CNIH3: variants seen among roughly 807,000 people sequenced by gnomAD.
CNIH3 encodes the protein cornichon family AMPA receptor auxiliary protein 3.
CNIH3 carries 14 observed loss-of-function variants against 24.1 expected under a neutral mutation model. The observed-to-expected ratio is 0.58, with a 90% CI of 0.38 to 0.91. The LOEUF is 0.91. Ranked by LOEUF, CNIH3 falls within the 40% of genes least tolerant of loss-of-function variation. The probability of loss-of-function intolerance (pLI) is 0.00; values close to 1 mark genes in which losing one functional copy is unlikely to be tolerated. For missense variants in CNIH3, 178 were observed against 196.8 expected (o/e 0.90, Z 0.57); for synonymous variants, 68 against 73.8 (o/e 0.92, Z 0.40).
intron 1 of CNIH3, among the ~76,000 whole-genome samples, chr1:224,491,827 C>T (rs1390843724): frequency 2.6e-5 from 4 of 152,118 alleles, no homozygotes; most frequent in East Asian, 1.9e-4. Context: ...AGACTGGTCT[C>T]GAACTCCTGA....
intron 1 of CNIH3, among the ~76,000 whole-genome samples, chr1:224,622,072 A>G (rs1420101892): frequency 6.6e-6 from 1 of 152,216 alleles, no homozygotes; most frequent in Non-Finnish European, 1.5e-5. Flanking sequence ...CCTCACAGCC[A>G]TGCTGAACTG....
chr1:224,704,403 G>A lies in CNIH3; in HGVS notation c.198+19560G>A, dbSNP rs78248101. On this transcript the variant is annotated intron_variant, in intron 3 of 5. Coordinates refer to ENST00000272133, the MANE Select transcript of CNIH3 (RefSeq NM_152495.2). This position sits in a 1 kb window ranked among gnomAD's most constrained non-coding sequence, Gnocchi z 4.2. ...ATTATGCACATTCGAATCCCCTGGG[G>A]AGCTTTTAAAACCCAGGGATCCAGA... Among the ~76,000 whole-genome samples the A allele has an allele frequency of 5.1e-3, 784 of 152,240 alleles. 11 individuals carry two copies. The highest frequency in any genetic ancestry group is 0.035 in the East Asian group (181 of 5,192).
In CNIH3 at chr1:224,469,922, A is replaced by T. The variant is rs562458798; in HGVS notation, n.203+35060A>T. Among the ~76,000 whole-genome samples, 3 of 152,348 alleles carry T rather than the reference A, an allele frequency of 2.0e-5. No homozygotes were observed. In the South Asian group the frequency reaches 6.2e-4, roughly 32 times the overall value. On this transcript the variant is annotated intron_variant and non_coding_transcript_variant, in intron 1 of 5. Transcript: ENST00000471578. ...ATGAATTCTGCCAGATTTAAAAAAAATCTGAAAACATCTTTATTTTCATTT... is the reference window on the plus strand; with the variant it reads ...ATGAATTCTGCCAGATTTAAAAAAATTCTGAAAACATCTTTATTTTCATTT...
At chr1:224,477,243 T>C (rs1259749903) in intron 1 of CNIH3, among the ~76,000 whole-genome samples, 1 of 152,234 alleles carries the variant, frequency 6.6e-6, no homozygotes, top group South Asian at 2.1e-4. Flanking sequence ...GTTCCTATGG[T>C]AGTTCTTGGA....
intron 3 of CNIH3, among the ~76,000 whole-genome samples, chr1:224,692,336 G>A (rs1337682149): frequency 3.3e-5 from 5 of 152,148 alleles, no homozygotes; most frequent in African/African-American, 1.2e-4. Context: ...AGAAGATGGT[G>A]CCTTTTTTCT....
intron 3 of CNIH3, among the ~76,000 whole-genome samples, chr1:224,728,852 T>G (rs984835865): frequency 1.3e-5 from 2 of 152,232 alleles, no homozygotes; most frequent in Admixed American, 6.5e-5. Context: ...ACCACGTATT[T>G]GTTAAGTCTC....
downstream of CNIH3, among the ~76,000 whole-genome samples, chr1:224,589,087 C>A (rs902393919): frequency 1.3e-5 from 2 of 150,798 alleles, no homozygotes; most frequent in Admixed American, 6.6e-5. Context: ...TAAGCGAGCA[C>A]CGTTATTGCT....
rs1161744505 is a variant in CNIH3 at position 224,739,510 on chromosome 1, A to G, written c.*154A>G. 28 of 1,400,098 alleles carry G rather than the reference A, an allele frequency of 2.0e-5. 1 individual carries two copies. The highest frequency in any genetic ancestry group is 4.2e-4 in the Middle Eastern group (2 of 4,774). 86.7% of individuals were successfully genotyped at this position (1,400,098 alleles called of 1,614,324 possible). ...GACTGAATGGGAGCTGGAATCACGC[A>G]GCAGCTGGGAGCCGAGTTAACCCTG... On this transcript the variant is annotated 3_prime_UTR_variant, in exon 6 of 6. Transcript: ENST00000272133.
intron 1 of CNIH3, among the ~76,000 whole-genome samples, chr1:224,637,209 T>C (rs1684129776): frequency 6.6e-6 from 1 of 152,134 alleles, no homozygotes; most frequent in South Asian, 2.1e-4. Flanking sequence ...CACCTCAGCC[T>C]CCCAAAGTGC....
chr1:224,539,154 T>A (rs907497566), downstream of CNIH3, among the ~76,000 whole-genome samples: 8 of 152,186 alleles, frequency 5.3e-5, no homozygotes, highest in Non-Finnish European at 7.3e-5. Flanking sequence ...TTAGCACACT[T>A]AATTTAACAT....
intron 1 of CNIH3, among the ~76,000 whole-genome samples, chr1:224,635,888 C>T (rs1166901751): frequency 1.3e-5 from 2 of 151,484 alleles, no homozygotes; most frequent in African/African-American, 4.9e-5. Flanking sequence ...ATTTTTTTTT[C>T]TTTCTAGAAA....
In CNIH3 at chr1:224,562,975, G is replaced by C. The variant is rs148151144; in HGVS notation, n.451-3224G>C. Reference sequence around the variant, plus strand: ...CTGAAGAGTGTGTAAAATGATTCCAGCACTTTGGGAAACTGTTTGCAAAAT... The same window carrying C: ...CTGAAGAGTGTGTAAAATGATTCCACCACTTTGGGAAACTGTTTGCAAAAT... On this transcript the variant is annotated intron_variant and non_coding_transcript_variant, in intron 3 of 5. Coordinates refer to the CNIH3 transcript ENST00000471578. 3.3e-5 allele frequency among the ~76,000 whole-genome samples: 5 copies of C among 152,312 alleles called. No individual in the cohort carries two copies. In the East Asian group the frequency reaches 7.7e-4, roughly 23 times the overall value.
intron 1 of CNIH3, among the ~76,000 whole-genome samples, chr1:224,639,221 G>A (rs1684237742): frequency 6.6e-6 from 1 of 152,238 alleles, no homozygotes; most frequent in African/African-American, 2.4e-5. Flanking sequence ...ACACTGCCTA[G>A]CATTCTCTTC....
At chr1:224,606,734 C>T (rs1320436381) in intron 3 of CNIH3, among the ~76,000 whole-genome samples, 1 of 152,110 alleles carries the variant, frequency 6.6e-6, no homozygotes, top group Non-Finnish European at 1.5e-5. Flanking sequence ...TCCATATTGC[C>T]ATGGTCTTGG....
rs577132038 is a variant in CNIH3 at position 224,458,519 on chromosome 1, G to A, written n.203+23657G>A. Among the ~76,000 whole-genome samples the A allele has an allele frequency of 6.6e-6, 1 of 152,120 alleles. No homozygotes were observed. The highest frequency in any genetic ancestry group is 1.5e-5 in the Non-Finnish European group (1 of 68,020). ...CTGCGGTTGGTGGGCAGGAGAGCCT[G>A]GTCTGATGACAGCAACCACCCTTTG... On this transcript the variant is annotated intron_variant and non_coding_transcript_variant, in intron 1 of 5. Coordinates refer to the CNIH3 transcript ENST00000471578. The surrounding 1 kb of genome is among the most constrained non-coding windows in gnomAD (Gnocchi z 4.3).
At chr1:224,619,193 A>AT (rs1331925688) in intron 1 of CNIH3, among the ~76,000 whole-genome samples, 2 of 152,218 alleles carry the variant, frequency 1.3e-5, no homozygotes, top group African/African-American at 4.8e-5. Flanking sequence ...AGAAAGAATC[A>AT]TTTTCTCTCA....
chr1:224,611,130 A>G (rs1273125305), intron 3 of CNIH3, among the ~76,000 whole-genome samples: 2 of 152,238 alleles, frequency 1.3e-5, no homozygotes, highest in Admixed American at 1.3e-4. Flanking sequence ...GTTCTGGCCA[A>G]TGAGATGTAG....
intron 1 of CNIH3, among the ~76,000 whole-genome samples, chr1:224,648,856 A>G (rs999645086): frequency 6.6e-6 from 1 of 152,218 alleles, no homozygotes; most frequent in African/African-American, 2.4e-5. Context: ...CAGCCCTGCT[A>G]CAAGCATGAG....
chr1:224,654,139 T>C (rs1008042791), intron 1 of CNIH3, among the ~76,000 whole-genome samples: 1 of 151,922 alleles, frequency 6.6e-6, no homozygotes, highest in Non-Finnish European at 1.5e-5. Context: ...CCCAACACTT[T>C]GGGAGGCCAA....
Sources: allele counts gnomAD v4.1 joint callset (sites outside exome capture counted in the v4.1 genomes callset), GRCh38; gene constraint gnomAD v4.1.1; non-coding constraint Gnocchi (gnomAD v3.1); transcripts MANE v1.5; gene names NCBI Gene and HGNC (gene_info 2026-07-23, HGNC 2026-07-21).